KLF12: variants seen among roughly 807,000 people sequenced by gnomAD.
KLF12 encodes Krueppel-like factor 12.
In KLF12, 9 loss-of-function variants were observed where a neutral mutation model predicts 37.8. The observed-to-expected ratio is 0.24, with a 90% CI of 0.14 to 0.42. The LOEUF (loss-of-function observed/expected upper bound fraction) is 0.42. Among genes scored for constraint, KLF12 ranks in the 10% least tolerant of loss-of-function variants. KLF12 has a pLI of 1.00. For synonymous variants in KLF12, 208 were observed against 202.1 expected, an observed-to-expected ratio of 1.03 and a Z score of -0.25; for missense variants, 411 against 516.0, an observed-to-expected ratio of 0.80 and a Z score of 1.97.
chr13:74,094,185 G>GA (rs1425969694), intron 1 of KLF12, among the ~76,000 whole-genome samples: 1 of 152,062 alleles, frequency 6.6e-6, no homozygotes, highest in African/African-American at 2.4e-5. Context: ...AGACACAGTA[G>GA]AAAAGGTTTA....
intron 6 of KLF12, among the ~76,000 whole-genome samples, chr13:73,756,718 C>T (rs745750095): frequency 1.3e-5 from 2 of 152,044 alleles, no homozygotes; most frequent in Non-Finnish European, 2.9e-5. Context: ...ACTACTCCCA[C>T]CTCATCTCAT....
At chr13:73,723,576 C>T (rs1488384485) in intron 6 of KLF12, among the ~76,000 whole-genome samples, 2 of 152,120 alleles carry the variant, frequency 1.3e-5, no homozygotes, top group African/African-American at 4.8e-5. Flanking sequence ...CCCTGCCCTC[C>T]TCATTCTGGC....
chr13:73,982,956 CA>C (rs111437714), intron 2 of KLF12, among the ~76,000 whole-genome samples: 4,310 of 142,416 alleles, frequency 0.03, 119 homozygotes, highest in East Asian at 0.095. Flanking sequence ...ACTTTTTTTC[CA>C]AAAAAAAAAG....
chr13:74,217,216 A>G, the KLF12 span, among the ~76,000 whole-genome samples: 7 of 152,264 alleles, frequency 4.6e-5, no homozygotes, highest in South Asian at 1.2e-3. Flanking sequence ...TTTACAGGAC[A>G]CTGTGTGACA....
intron 6 of KLF12, among the ~76,000 whole-genome samples, chr13:73,721,869 G>A (rs1293456625): frequency 6.6e-6 from 1 of 152,088 alleles, no homozygotes; most frequent in Non-Finnish European, 1.5e-5. Flanking sequence ...TTTTCTTAAA[G>A]TTGTTATAAA....
chr13:74,190,830 A>T, the KLF12 span, among the ~76,000 whole-genome samples: 1 of 152,182 alleles, frequency 6.6e-6, no homozygotes, highest in Non-Finnish European at 1.5e-5. Flanking sequence ...GAGAGCTAGG[A>T]TTCAATGTTT....
At chr13:74,128,157 A>G (rs1042679556) in intron 1 of KLF12, among the ~76,000 whole-genome samples, 1 of 152,216 alleles carries the variant, frequency 6.6e-6, no homozygotes, top group Non-Finnish European at 1.5e-5. Context: ...GTTAATAATC[A>G]GTAACTTTTA....
the KLF12 span, among the ~76,000 whole-genome samples, chr13:74,173,458 G>T: frequency 1.6e-4 from 25 of 152,198 alleles, no homozygotes; most frequent in Non-Finnish European, 3.2e-4. Flanking sequence ...ATTAGTGGAA[G>T]TGCCATGCAT....
chr13:74,209,954 T>C, the KLF12 span, among the ~76,000 whole-genome samples: 2 of 152,210 alleles, frequency 1.3e-5, no homozygotes, highest in African/African-American at 4.8e-5. Flanking sequence ...TGTGTGAAAC[T>C]GGTTTGTAGC....
At chr13:73,818,552 C>T (rs1883358180) in intron 4 of KLF12, among the ~76,000 whole-genome samples, 1 of 152,246 alleles carries the variant, frequency 6.6e-6, no homozygotes, top group South Asian at 2.1e-4. Context: ...AGACCAAACA[C>T]TCTTCTAACT....
chr13:73,767,866 C>T (rs1880021237), intron 5 of KLF12, among the ~76,000 whole-genome samples: 1 of 152,168 alleles, frequency 6.6e-6, no homozygotes, highest in African/African-American at 2.4e-5. Flanking sequence ...AGAATACCAT[C>T]ACTCTGGTTT....
chr13:73,735,951 C>CTTTTTT (rs542835566), intron 6 of KLF12, among the ~76,000 whole-genome samples: 3 of 132,814 alleles, frequency 2.3e-5, no homozygotes, highest in African/African-American at 2.8e-5. Flanking sequence ...TTCTTTCTTT[C>CTTTTTT]TTTTTCTTTT....
At chr13:74,146,398 C>T in the KLF12 span, among the ~76,000 whole-genome samples, 7 of 151,874 alleles carry the variant, frequency 4.6e-5, no homozygotes, top group Admixed American at 1.3e-4. Context: ...GATTTTATTA[C>T]TATTATTATC....
the KLF12 span, among the ~76,000 whole-genome samples, chr13:74,291,017 TACA>T: frequency 6.6e-6 from 1 of 152,244 alleles, no homozygotes; most frequent in East Asian, 1.9e-4. Context: ...CCACTTATTC[TACA>T]ACAACAATTT....
At chr13:73,738,228 T>G (rs1877670730) in intron 6 of KLF12, among the ~76,000 whole-genome samples, 1 of 150,758 alleles carries the variant, frequency 6.6e-6, no homozygotes, top group Admixed American at 6.6e-5. Context: ...CACTGCAACC[T>G]CCACCTCCAG....
chr13:74,203,765 A>C, the KLF12 span, among the ~76,000 whole-genome samples: 1 of 152,178 alleles, frequency 6.6e-6, no homozygotes, highest in Non-Finnish European at 1.5e-5. Flanking sequence ...ATGCAGATCC[A>C]GTGCTCAGGT....
intron 2 of KLF12, among the ~76,000 whole-genome samples, chr13:73,958,608 T>C (rs566656004): frequency 4.6e-5 from 7 of 152,258 alleles, no homozygotes; most frequent in African/African-American, 1.7e-4. Flanking sequence ...TTTTAGTGTC[T>C]ACTAGAGTAC....
At chr13:73,840,249 A>G (rs1158288962) in intron 4 of KLF12, among the ~76,000 whole-genome samples, 3 of 152,266 alleles carry the variant, frequency 2.0e-5, no homozygotes, top group Admixed American at 1.3e-4. Context: ...TCATGAACAG[A>G]TGAGTTTCCA....
chr13:74,164,238 A>G, the KLF12 span, among the ~76,000 whole-genome samples: 1 of 152,164 alleles, frequency 6.6e-6, no homozygotes, highest in Non-Finnish European at 1.5e-5. Context: ...AAACATATTT[A>G]TGGCTTTTTT....
Sources: allele counts gnomAD v4.1 joint callset (sites outside exome capture counted in the v4.1 genomes callset), GRCh38; gene constraint gnomAD v4.1.1; transcripts MANE v1.5; gene names NCBI Gene and HGNC (gene_info 2026-07-23, HGNC 2026-07-21).